Variants in RMDN1 observed in about 807,000 individuals in gnomAD.
RMDN1 encodes the protein regulator of microtubule dynamics protein 1.
RMDN1 carries 48 observed loss-of-function variants against 48.9 expected under a neutral mutation model. The ratio of observed to expected loss-of-function variants is 0.98; its 90% CI spans 0.78 to 1.25. The LOEUF (loss-of-function observed/expected upper bound fraction) is 1.25, where lower values mean the gene tolerates loss of function less well. Ranked by LOEUF, RMDN1 falls within the 50% of genes most tolerant of loss-of-function variation. RMDN1 has a pLI of 0.00. For synonymous variants in RMDN1, 148 were observed against 132.6 expected (o/e 1.12, Z -0.80); for missense variants, 418 against 373.4 (o/e 1.12, Z -0.98).
intron 2 of RMDN1, among the ~76,000 whole-genome samples, chr8:86,491,262 G>A (rs539321648): frequency 6.6e-6 from 1 of 152,158 alleles, no homozygotes; most frequent in East Asian, 1.9e-4. Flanking sequence ...AGCCTCCTGA[G>A]TAGCTGAGAC....
intron 5 of RMDN1, among the ~76,000 whole-genome samples, chr8:86,484,034 C>T (rs1215171405): frequency 6.6e-6 from 1 of 152,136 alleles, no homozygotes; most frequent in Non-Finnish European, 1.5e-5. Context: ...GTGTTAAAGA[C>T]TGTTACACTG....
At chr8:86,509,229 G>T (rs377631250), upstream of RMDN1, among the ~76,000 whole-genome samples, 53 of 152,244 alleles carry the variant, frequency 3.5e-4, no homozygotes, top group African/African-American at 1.3e-3. Context: ...GGAACTAGCG[G>T]GAGGAGGCCT....
downstream of RMDN1, chr8:86,470,518 G>A (rs1368916912): frequency 1.1e-6 from 1 of 937,812 alleles, no homozygotes; most frequent in Non-Finnish European, 1.4e-6. Context: ...GAAAAATGAA[G>A]ATAAAAGGAC....
rs752612609 is a variant in RMDN1 at position 86,474,037 on chromosome 8, T to C, written c.*271A>G. 23 of 1,164,176 alleles carry C rather than the reference T, an allele frequency of 2.0e-5. No individual in the cohort carries two copies. The highest frequency in any genetic ancestry group is 4.2e-5 in the Admixed American group (1 of 23,558). 72.1% of individuals were successfully genotyped at this position (1,164,176 alleles called of 1,614,324 possible). A position where few individuals can be genotyped will look rare whatever the true frequency, so the allele number is the denominator to read the frequency against. On this transcript the variant is annotated 3_prime_UTR_variant, in exon 10 of 10. Coordinates refer to ENST00000406452, the MANE Select transcript of RMDN1 (RefSeq NM_016033.3). ...CTCCCATCCCAATGTGATCAATCCT[T>C]AGAAATCTCATACCATTTTGCATTG... is the stretch of plus-strand genomic sequence containing the variant.
At chr8:86,509,232 G>A (rs1161516991), upstream of RMDN1, among the ~76,000 whole-genome samples, 1 of 152,264 alleles carries the variant, frequency 6.6e-6, no homozygotes, top group East Asian at 1.9e-4. Flanking sequence ...ACTAGCGGGA[G>A]GAGGCCTCTG....
At position 86,508,676 on chromosome 8, in the gene RMDN1, G is replaced by T. The variant is rs939138062; in HGVS notation, c.-56C>A. On this transcript the variant is annotated 5_prime_UTR_variant, in exon 1 of 10. Transcript: ENST00000406452. ...ACTTCAGGCAGCTACGGAGGCGGGC[G>T]GGGCTAAAGGAGATTCAATCCTTCC... The T allele has an allele frequency of 6.7e-7, 1 of 1,494,454 alleles. No individual in the cohort carries two copies. Among genetic ancestry groups the T allele is most frequent in the South Asian group, 1.3e-5 (1 of 77,876 alleles). The allele number at this position is 1,494,454 out of a possible 1,614,324, so 92.6% of individuals were successfully genotyped here.
At chr8:86,507,313 C>T (rs7006629) in intron 1 of RMDN1, among the ~76,000 whole-genome samples, 76,319 of 151,962 alleles carry the variant, frequency 0.5, 19,667 homozygotes, top group Admixed American at 0.61. Context: ...CCTGGAGTCG[C>T]CGCTCATCTA....
intron 8 of RMDN1, among the ~76,000 whole-genome samples, chr8:86,475,616 A>G (rs920077164): frequency 1.3e-5 from 2 of 152,202 alleles, no homozygotes; most frequent in Non-Finnish European, 2.9e-5. Flanking sequence ...AAGCATAAAC[A>G]GAAAGCCTAT....
At chr8:86,476,069 T>C (rs1813324208) in intron 8 of RMDN1, among the ~76,000 whole-genome samples, 1 of 152,150 alleles carries the variant, frequency 6.6e-6, no homozygotes, top group South Asian at 2.1e-4. Flanking sequence ...GAACTGAATA[T>C]AGGCCAGAAA....
At chr8:86,499,067 C>T (rs1451634707) in intron 2 of RMDN1, among the ~76,000 whole-genome samples, 1 of 152,100 alleles carries the variant, frequency 6.6e-6, no homozygotes, top group Non-Finnish European at 1.5e-5. Flanking sequence ...AAGGAACGCA[C>T]CTCAAAATAA....
At chr8:86,483,004 G>A (rs1186895796) in intron 5 of RMDN1, 21 of 645,046 alleles carry the variant, frequency 3.3e-5, no homozygotes, top group Non-Finnish European at 3.3e-5. Context: ...CAGTGGCATC[G>A]TGGAGGCAGC....
upstream of RMDN1, among the ~76,000 whole-genome samples, chr8:86,511,532 G>A (rs761247593): frequency 1.3e-5 from 2 of 152,002 alleles, no homozygotes; most frequent in African/African-American, 2.4e-5. Context: ...GACTAAGGCT[G>A]GGCGTGGTGC....
intron 2 of RMDN1, chr8:86,504,742 T>C (rs1819012128): frequency 2.9e-6 from 3 of 1,022,348 alleles, no homozygotes; most frequent in Admixed American, 1.7e-5. Context: ...TGGTTTATTG[T>C]GGCCGAACTC....
intron 3 of RMDN1, among the ~76,000 whole-genome samples, chr8:86,488,207 TAA>T (rs1209165342): frequency 2.0e-5 from 3 of 152,090 alleles, no homozygotes; most frequent in South Asian, 2.1e-4. Context: ...TCTATACCAA[TAA>T]AAAGTTACTT....
chr8:86,480,277 CA>C lies in RMDN1; in HGVS notation c.640del (p.Trp214GlyfsTer32). The C allele has an allele frequency of 6.6e-7, 1 of 1,507,090 alleles. No homozygotes were observed. Among genetic ancestry groups the C allele is most frequent in the South Asian group, 1.3e-5 (1 of 78,576 alleles). The allele number at this position is 1,507,090 out of a possible 1,614,324, so 93.4% of individuals were successfully genotyped here. ...GAAATATTTAAAGAAATTTTCTTACCAAATACCCATAAGGTGAATTGAAGTA... is the reference window on the plus strand; with the variant it reads ...GAAATATTTAAAGAAATTTTCTTACCAATACCCATAAGGTGAATTGAAGTA... ...DATSIHLMGIWCYTFAEMPWY... is the reference protein window; with the variant it reads ...DATSIHLMGIXCYTFAEMPWY... On this transcript the variant is annotated frameshift_variant and splice_region_variant, in exon 6 of 10. Transcript: ENST00000406452. LOFTEE classifies it high-confidence loss of function.
At chr8:86,469,137 T>A (rs1812335737), downstream of RMDN1, among the ~76,000 whole-genome samples, 1 of 151,994 alleles carries the variant, frequency 6.6e-6, no homozygotes, top group Admixed American at 6.6e-5. Flanking sequence ...TAGTTGTTTG[T>A]CTTCCAGGGA....
intron 5 of RMDN1, chr8:86,482,199 T>C (rs1814607835): frequency 2.5e-6 from 1 of 399,098 alleles, no homozygotes; most frequent in East Asian, 5.2e-5. Context: ...GTCAGGAGTT[T>C]GAGACCAGCC....
At position 86,504,806 on chromosome 8, in the gene RMDN1, T is replaced by C. The variant is rs549836276; in HGVS notation, c.247+2189A>G. On this transcript the variant is annotated intron_variant, in intron 2 of 9. Transcript: ENST00000406452. Reference sequence around the variant, plus strand: ...CTGCAATGGCCGGCTGCTCCAACTATACCTCCAACTTCTTAGTCGGACTGC... The same window carrying C: ...CTGCAATGGCCGGCTGCTCCAACTACACCTCCAACTTCTTAGTCGGACTGC... 78 of 1,049,872 alleles carry C rather than the reference T, an allele frequency of 7.4e-5. No homozygotes were observed. In the African/African-American group the frequency reaches 1.1e-3, roughly 15 times the overall value. 65.0% of individuals were successfully genotyped at this position (1,049,872 alleles called of 1,614,324 possible).
intron 2 of RMDN1, among the ~76,000 whole-genome samples, chr8:86,493,400 A>C (rs556869037): frequency 6.6e-6 from 1 of 152,224 alleles, no homozygotes; most frequent in African/African-American, 2.4e-5. Context: ...TAGTCACAAT[A>C]GCCACGCCTT....
Sources: gnomAD v4.1 joint callset for allele counts (sites outside exome capture counted in the v4.1 genomes callset) on GRCh38, gnomAD v4.1.1 for gene constraint, MANE v1.5 for transcripts, NCBI Gene and HGNC (gene_info 2026-07-23, HGNC 2026-07-21) for gene names.